The following FBXO15 variants were observed in gnomAD, a reference collection of about 807,000 sequenced individuals.
The protein encoded by FBXO15 is F-box protein 15, also known as F-box only protein 15.
Under a neutral mutation model 49.5 loss-of-function variants are expected in FBXO15, and 30 were observed. The observed-to-expected ratio is 0.61, with a 90% CI of 0.45 to 0.82. The LOEUF is 0.82. FBXO15 is among the 40% of genes least tolerant of loss of function. The probability of loss-of-function intolerance (pLI) is 0.00; values close to 1 mark genes in which losing one functional copy is unlikely to be tolerated. For synonymous variants in FBXO15, 250 were observed against 232.7 expected, an observed-to-expected ratio of 1.07 and a Z score of -0.68; for missense variants, 591 against 631.5, an observed-to-expected ratio of 0.94 and a Z score of 0.69.
chr18:74,098,406 G>C (rs973499516), intron 8 of FBXO15: 7 of 152,154 alleles, frequency 4.6e-5, no homozygotes, highest in African/African-American at 1.7e-4. Context: ...CAGTGAAATT[G>C]AGAGCATAAA....
At chr18:74,142,072 A>G (rs1044615358) in intron 1 of FBXO15, among the ~76,000 whole-genome samples, 2 of 151,550 alleles carry the variant, frequency 1.3e-5, no homozygotes, top group Admixed American at 6.6e-5. Flanking sequence ...TGCACCGAGG[A>G]AAAAAAAATG....
chr18:74,129,417 G>A lies in FBXO15; in HGVS notation c.773C>T (p.Pro258Leu), dbSNP rs748594258. 1.2e-6 allele frequency: 2 copies of A among 1,613,582 alleles called. No homozygotes were observed. The stretch of plus-strand genomic sequence containing the variant: ...GATTGGTACTTACCTATGTTTGGTG[G>A]GAGTTTTATACCAGTCGGTAAAAAC... ...TPVFTDWYKT[P>L]TKHRLRWHSL... The change falls in exon 5 of 10, where the codon CCC becomes CTC. Residue 258 changes from proline (P) to leucine (L), a missense_variant. Physicochemically the swap from Pro to Leu is moderately conservative, Grantham distance 98 (BLOSUM62 -3). Transcript: ENST00000419743.
intron 8 of FBXO15, among the ~76,000 whole-genome samples, chr18:74,113,774 G>A (rs1010422768): frequency 6.6e-6 from 1 of 152,146 alleles, no homozygotes; most frequent in Non-Finnish European, 1.5e-5. Context: ...GTAATCATTA[G>A]CCTGATACAA....
chr18:74,088,048 C>T (rs531227698), intron 8 of FBXO15, among the ~76,000 whole-genome samples: 1 of 152,262 alleles, frequency 6.6e-6, no homozygotes, highest in African/African-American at 2.4e-5. Context: ...CCTTTGCCTA[C>T]TTTTTAATGG....
At chr18:74,112,999 C>T (rs181080739) in intron 8 of FBXO15, among the ~76,000 whole-genome samples, 1 of 152,318 alleles carries the variant, frequency 6.6e-6, no homozygotes, top group Non-Finnish European at 1.5e-5. Context: ...TGAAAACCTG[C>T]AAATGGATGC....
chr18:74,087,766 T>C (rs1912813480), intron 8 of FBXO15, among the ~76,000 whole-genome samples: 1 of 152,234 alleles, frequency 6.6e-6, no homozygotes, highest in Admixed American at 6.5e-5. Context: ...TAATTCTCTT[T>C]GCAGTTCTCT....
At chr18:74,135,949 C>T in intron 2 of FBXO15, 83 bp from the exon 3 acceptor site, 3 of 1,113,606 alleles carry the variant, frequency 2.7e-6, no homozygotes, top group Non-Finnish European at 3.9e-6. Context: ...CAACTGGCTG[C>T]TCATCTCTAA....
intron 3 of FBXO15, among the ~76,000 whole-genome samples, chr18:74,132,434 G>A (rs1226675108): frequency 6.6e-6 from 1 of 152,122 alleles, no homozygotes; most frequent in East Asian, 1.9e-4. Context: ...AAACACTGCC[G>A]CAGAGATGGG....
chr18:74,124,658 T>C (rs999700291), intron 6 of FBXO15, 87 bp from the exon 7 acceptor site: 71 of 1,171,380 alleles, frequency 6.1e-5, no homozygotes, highest in Middle Eastern at 2.1e-4. Flanking sequence ...AGCACATTCA[T>C]CTTGCAGATA....
chr18:74,117,260 G>A lies in FBXO15; in HGVS notation c.1138+6108C>T, dbSNP rs551340407. On this transcript the variant is annotated intron_variant, in intron 8 of 9. Transcript: ENST00000419743. ...TCCTACTTTGTCATCTTTTTACTGG[G>A]GGGAAAATCACAAAAGGCCAATTAT... Among the ~76,000 whole-genome samples, 9 of 152,146 alleles carry A rather than the reference G, an allele frequency of 5.9e-5. No individual in the cohort carries two copies. In the South Asian group the frequency reaches 1.9e-3, roughly 32 times the overall value.
At chr18:74,080,460 T>C (rs1912441185) in intron 9 of FBXO15, among the ~76,000 whole-genome samples, 1 of 152,242 alleles carries the variant, frequency 6.6e-6, no homozygotes, top group African/African-American at 2.4e-5. Context: ...TCCAGGGACA[T>C]GCAATCCATT....
intron 8 of FBXO15, among the ~76,000 whole-genome samples, chr18:74,117,709 G>A (rs1431770918): frequency 6.6e-6 from 1 of 152,092 alleles, no homozygotes; most frequent in African/African-American, 2.4e-5. Flanking sequence ...AAAAGGAAGT[G>A]AAATAACACG....
At chr18:74,134,162 T>G (rs575794210) in intron 3 of FBXO15, among the ~76,000 whole-genome samples, 1 of 152,134 alleles carries the variant, frequency 6.6e-6, no homozygotes, top group Non-Finnish European at 1.5e-5. Flanking sequence ...ATAGGAAACA[T>G]CTCTTTAAAT....
intron 1 of FBXO15, chr18:74,140,692 T>C (rs1381399894): frequency 9.4e-6 from 2 of 211,676 alleles, no homozygotes; most frequent in Admixed American, 5.8e-5. Flanking sequence ...ACCTTTAGTG[T>C]CCTGGTAAGG....
chr18:74,116,948 A>G (rs1359722101), intron 8 of FBXO15, among the ~76,000 whole-genome samples: 2 of 152,080 alleles, frequency 1.3e-5, no homozygotes, highest in Admixed American at 6.5e-5. Flanking sequence ...AGAGCCACCT[A>G]CATTCCACAG....
intron 1 of FBXO15, among the ~76,000 whole-genome samples, chr18:74,145,339 TTTG>T (rs147402464): frequency 0.088 from 13,321 of 152,210 alleles, 1,075 homozygotes; most frequent in African/African-American, 0.21. Context: ...TTCTTGCTGT[TTTG>T]TTTTTTCACA....
chr18:74,114,255 C>T (rs542141492), intron 8 of FBXO15, among the ~76,000 whole-genome samples: 2 of 152,302 alleles, frequency 1.3e-5, no homozygotes, highest in African/African-American at 2.4e-5. Flanking sequence ...TGATAGACAA[C>T]ATTTCACATG....
intron 8 of FBXO15, among the ~76,000 whole-genome samples, chr18:74,109,461 C>T (rs1196932504): frequency 6.6e-6 from 1 of 152,154 alleles, no homozygotes; most frequent in Non-Finnish European, 1.5e-5. Flanking sequence ...CCACTTGACC[C>T]AGCAATCCCA....
intron 8 of FBXO15, among the ~76,000 whole-genome samples, chr18:74,109,550 T>G (rs1000244887): frequency 3.9e-5 from 6 of 152,154 alleles, no homozygotes; most frequent in Non-Finnish European, 8.8e-5. Context: ...TGTGGCACTA[T>G]TCACAATAGC....
Sources: gnomAD v4.1 joint callset for allele counts (sites outside exome capture counted in the v4.1 genomes callset) on GRCh38, gnomAD v4.1.1 for gene constraint, MANE v1.5 for transcripts, NCBI Gene and HGNC (gene_info 2026-07-23, HGNC 2026-07-21) for gene names.